Variants in ZFAND3 observed in about 807,000 individuals in gnomAD.
ZFAND3 encodes the protein AN1-type zinc finger protein 3.
In ZFAND3, 10 loss-of-function variants were observed where a neutral mutation model predicts 29.6. The observed-to-expected ratio is 0.34, with a 90% CI of 0.21 to 0.57. The LOEUF (loss-of-function observed/expected upper bound fraction) is 0.57, where lower values mean the gene tolerates loss of function less well. Ranked by LOEUF, ZFAND3 falls within the 20% of genes least tolerant of loss-of-function variation. The pLI is 0.86. For missense variants in ZFAND3, 230 were observed against 304.5 expected, an observed-to-expected ratio of 0.76 and a Z score of 1.82; for synonymous variants, 128 against 112.6, an observed-to-expected ratio of 1.14 and a Z score of -0.87.
In ZFAND3 at chr6:37,882,465, G is replaced by A. The variant is rs2127392580; in HGVS notation, c.72-47494G>A. On this transcript the variant is annotated intron_variant, in intron 1 of 5. Coordinates refer to ENST00000287218, the MANE Select transcript of ZFAND3 (RefSeq NM_021943.3). ...CCTTTGATGCTTGAAAGGATTGCAT[G>A]GCAAGCTATGTTTTTCTGGATTAGT... Among the ~76,000 whole-genome samples, 2 of 152,218 alleles carry A rather than the reference G, an allele frequency of 1.3e-5. 1 individual carries two copies. Among genetic ancestry groups the A allele is most frequent in the South Asian group, 4.2e-4 (2 of 4,812 alleles).
At chr6:37,967,687 A>G (rs538916902) in intron 2 of ZFAND3, among the ~76,000 whole-genome samples, 9 of 152,286 alleles carry the variant, frequency 5.9e-5, no homozygotes, top group African/African-American at 2.2e-4. Context: ...ACTTTCTTTT[A>G]TAGTGTTCTC....
intron 4 of ZFAND3, among the ~76,000 whole-genome samples, chr6:38,108,333 A>G (rs1367583246): frequency 2.0e-5 from 3 of 152,174 alleles, no homozygotes; most frequent in Admixed American, 6.5e-5. Context: ...AAAGGAGTTT[A>G]TTAGGGAGAA....
intron 2 of ZFAND3, among the ~76,000 whole-genome samples, chr6:38,041,317 A>G (rs2086768684): frequency 6.6e-6 from 1 of 152,202 alleles, no homozygotes; most frequent in Non-Finnish European, 1.5e-5. Context: ...CTTTGAGACT[A>G]TATAAATGTC....
chr6:37,823,892 A>G (rs190394354), intron 1 of ZFAND3, among the ~76,000 whole-genome samples: 46 of 152,112 alleles, frequency 3.0e-4, no homozygotes, highest in Middle Eastern at 3.4e-3. Context: ...CCTGGGTTCA[A>G]GTGATTCTCC....
At chr6:37,895,095 T>C (rs1765175058) in intron 1 of ZFAND3, among the ~76,000 whole-genome samples, 1 of 152,128 alleles carries the variant, frequency 6.6e-6, no homozygotes, top group Non-Finnish European at 1.5e-5. Flanking sequence ...TCAAAAAATT[T>C]TTTGCCTCCC....
intron 1 of ZFAND3, among the ~76,000 whole-genome samples, chr6:37,926,496 A>G (rs917987707): frequency 6.6e-6 from 1 of 151,390 alleles, no homozygotes; most frequent in African/African-American, 2.4e-5. Context: ...TCCCTTTGCT[A>G]CTCCCTTGCA....
At chr6:37,865,129 T>A (rs543299129) in intron 1 of ZFAND3, among the ~76,000 whole-genome samples, 1 of 152,200 alleles carries the variant, frequency 6.6e-6, no homozygotes, top group Non-Finnish European at 1.5e-5. Context: ...AGTGCGCCGA[T>A]AGCGTGCCAC....
chr6:38,067,362 T>A (rs1764366908), intron 3 of ZFAND3, among the ~76,000 whole-genome samples: 1 of 152,230 alleles, frequency 6.6e-6, no homozygotes, highest in Non-Finnish European at 1.5e-5. Context: ...GTACTTCTAT[T>A]TTATCCATTT....
rs542395765 is a variant in ZFAND3, at chr6:38,116,759, G to T, written c.529+20G>T. The T allele has an allele frequency of 6.2e-7, 1 of 1,611,048 alleles. No homozygotes were observed. Among genetic ancestry groups the T allele is most frequent in the Admixed American group, 1.7e-5 (1 of 59,938 alleles). Reference sequence around the variant, plus strand: ...GCTGCGGTAAGCATCTCCCCCAGTGGCGTGATGGAGACTATATCCTTAACA... The same window carrying T: ...GCTGCGGTAAGCATCTCCCCCAGTGTCGTGATGGAGACTATATCCTTAACA... On this transcript the variant is annotated intron_variant, in intron 5 of 5. Transcript: ENST00000287218.
At chr6:38,023,308 G>T (rs1471273792) in intron 2 of ZFAND3, among the ~76,000 whole-genome samples, 1 of 152,174 alleles carries the variant, frequency 6.6e-6, no homozygotes, top group African/African-American at 2.4e-5. Flanking sequence ...GAAGACAGTT[G>T]ATGTGATTGA....
chr6:38,131,088 A>T (rs1765733248), intron 5 of ZFAND3, among the ~76,000 whole-genome samples: 2 of 152,056 alleles, frequency 1.3e-5, no homozygotes, highest in Admixed American at 1.3e-4. Flanking sequence ...TTTCTAGTTT[A>T]TGTGCATAAT....
intron 2 of ZFAND3, among the ~76,000 whole-genome samples, chr6:37,958,335 C>T (rs1171050664): frequency 2.6e-5 from 4 of 150,946 alleles, no homozygotes; most frequent in Non-Finnish European, 3.0e-5. Flanking sequence ...GCGCCTGTAA[C>T]CCCAGCTCCT....
intron 1 of ZFAND3, among the ~76,000 whole-genome samples, chr6:37,836,465 T>G (rs780706182): frequency 2.0e-5 from 3 of 152,156 alleles, no homozygotes; most frequent in Non-Finnish European, 2.9e-5. Flanking sequence ...AGGTGATATT[T>G]CAATGAAGAA....
rs191446173 is a variant in ZFAND3 at position 37,948,700 on chromosome 6, C to A, written c.112+18701C>A. Among the ~76,000 whole-genome samples, 359 of 152,328 alleles carry A rather than the reference C, an allele frequency of 2.4e-3. No homozygotes were observed. The Middle Eastern group carries it at 0.024, about 10-fold the overall frequency. On this transcript the variant is annotated intron_variant, in intron 2 of 5. Coordinates refer to ENST00000287218, the MANE Select transcript of ZFAND3 (RefSeq NM_021943.3). ...TTTAGCTTCCACTTATAAGTGAGAACATGTGGTATTTCGTTTTCTGTTCCT... is the reference window on the plus strand; with the variant it reads ...TTTAGCTTCCACTTATAAGTGAGAAAATGTGGTATTTCGTTTTCTGTTCCT...
intron 5 of ZFAND3, among the ~76,000 whole-genome samples, chr6:38,146,261 G>C (rs181783179): frequency 1.0e-3 from 153 of 152,294 alleles, no homozygotes; most frequent in African/African-American, 2.6e-3. Context: ...CAGATCACAG[G>C]GGGTGTCTGG....
At chr6:38,144,530 C>T (rs1050991867) in intron 5 of ZFAND3, among the ~76,000 whole-genome samples, 2 of 152,196 alleles carry the variant, frequency 1.3e-5, no homozygotes, top group African/African-American at 4.8e-5. Flanking sequence ...GGGTGGTGAG[C>T]AGGTGCCTCT....
chr6:37,871,250 T>G (rs1048066481), intron 1 of ZFAND3, among the ~76,000 whole-genome samples: 10 of 152,254 alleles, frequency 6.6e-5, no homozygotes, highest in African/African-American at 2.4e-4. Context: ...CTTTATTTTG[T>G]ATCCAGTGAA....
chr6:37,950,333 T>G lies in ZFAND3; in HGVS notation c.112+20334T>G, dbSNP rs543451295. Reference sequence around the variant, plus strand: ...CTTCTAGCCAATTATTCCAGTACTGTTTGTTAAATTGGGAGTCCTTTTTCC... The same window carrying G: ...CTTCTAGCCAATTATTCCAGTACTGGTTGTTAAATTGGGAGTCCTTTTTCC... On this transcript the variant is annotated intron_variant, in intron 2 of 5. Coordinates refer to ENST00000287218, the MANE Select transcript of ZFAND3 (RefSeq NM_021943.3). 2.7e-5 allele frequency among the ~76,000 whole-genome samples: 4 copies of G among 150,068 alleles called. No homozygotes were observed. In the East Asian group the frequency reaches 7.9e-4, roughly 30 times the overall value.
chr6:37,972,453 C>A (rs1332803451), intron 2 of ZFAND3, among the ~76,000 whole-genome samples: 1 of 152,198 alleles, frequency 6.6e-6, no homozygotes, highest in African/African-American at 2.4e-5. Context: ...GTTAGAATAA[C>A]AGATATGGCT....
Sources: allele counts gnomAD v4.1 joint callset (sites outside exome capture counted in the v4.1 genomes callset), GRCh38; gene constraint gnomAD v4.1.1; transcripts MANE v1.5; gene names NCBI Gene and HGNC (gene_info 2026-07-23, HGNC 2026-07-21).